The following SYT16 variants were observed in gnomAD, a reference collection of about 807,000 sequenced individuals.
The protein encoded by SYT16 is synaptotagmin 16.
SYT16 carries 42 observed loss-of-function variants against 61.4 expected under a neutral mutation model. The observed-to-expected ratio is 0.68, with a 90% CI of 0.53 to 0.89. The LOEUF (loss-of-function observed/expected upper bound fraction) is 0.89. SYT16 is among the 40% of genes least tolerant of loss of function. The pLI is 0.00. For missense variants in SYT16, 804 were observed against 807.3 expected (o/e 1.00, Z 0.05); for synonymous variants, 314 against 302.3 (o/e 1.04, Z -0.40).
At chr14:61,935,817 G>A (rs192895747) in intron 1 of SYT16, among the ~76,000 whole-genome samples, 1,608 of 152,236 alleles carry the variant, frequency 0.011, 11 homozygotes, top group Non-Finnish European at 0.017. Flanking sequence ...TCTTTTGAAT[G>A]TATTTTAGAA....
At chr14:61,860,685 A>G (rs920016630) in intron 1 of SYT16, among the ~76,000 whole-genome samples, 2 of 152,216 alleles carry the variant, frequency 1.3e-5, no homozygotes, top group Non-Finnish European at 2.9e-5. Flanking sequence ...GGCCAAGAGA[A>G]TGGGAGAAAA....
chr14:61,946,379 G>C (rs1324994465), intron 1 of SYT16, among the ~76,000 whole-genome samples: 1 of 152,132 alleles, frequency 6.6e-6, no homozygotes, highest in Non-Finnish European at 1.5e-5. Context: ...CTCATGGATA[G>C]AGTGGAATAA....
At chr14:61,910,834 C>T (rs112877888) in intron 1 of SYT16, among the ~76,000 whole-genome samples, 4 of 152,298 alleles carry the variant, frequency 2.6e-5, no homozygotes, top group African/African-American at 9.6e-5. Context: ...CGGCCATATG[C>T]TGTCTTTAAA....
In SYT16 at chr14:61,946,674, C is replaced by A. The variant is rs183125569; in HGVS notation, c.-324-23458C>A. On this transcript the variant is annotated intron_variant, in intron 1 of 7. Coordinates refer to ENST00000683842, the MANE Select transcript of SYT16 (RefSeq NM_001367656.1). ...TGCATTGGAAAGTTAGAGAAATGGG[C>A]ACTGAATAATACTCTTTCAGAGGCT... is the stretch of plus-strand genomic sequence containing the variant. Among the ~76,000 whole-genome samples, 295 of 152,210 alleles carry A rather than the reference C, an allele frequency of 1.9e-3. 1 individual carries two copies. The highest frequency in any genetic ancestry group is 6.5e-3 in the African/African-American group (271 of 41,510).
In SYT16 at chr14:62,110,745, A is replaced by G. The variant is rs1303287070; in HGVS notation, c.*10038A>G. On this transcript the variant is annotated 3_prime_UTR_variant, in exon 8 of 8. Transcript: ENST00000683842. ...GCAGGTTCGCCAACCTTTGAGTTGA[A>G]TGCAGACCTTTCTTTAGAACAACCT... 1 of 152,110 alleles carries G rather than the reference A, an allele frequency of 6.6e-6. No homozygotes were observed. Among genetic ancestry groups the G allele is most frequent in the Non-Finnish European group, 1.5e-5 (1 of 67,962 alleles). 9.4% of individuals were successfully genotyped at this position (152,110 alleles called of 1,614,324 possible). A position where few individuals can be genotyped will look rare whatever the true frequency, so the allele number is the denominator to read the frequency against.
At chr14:61,910,761 G>T (rs1456746439) in intron 1 of SYT16, among the ~76,000 whole-genome samples, 8 of 151,752 alleles carry the variant, frequency 5.3e-5, no homozygotes, top group Non-Finnish European at 5.9e-5. Context: ...ACTCCTGACC[G>T]CAAGTGATCC....
chr14:62,045,827 T>A (rs12434559), intron 3 of SYT16, among the ~76,000 whole-genome samples: 1 of 151,692 alleles, frequency 6.6e-6, no homozygotes, highest in African/African-American at 2.4e-5. Context: ...GTATATGTGC[T>A]ACATTTTCTT....
chr14:61,927,620 A>G (rs2049589013), intron 1 of SYT16, among the ~76,000 whole-genome samples: 2 of 152,218 alleles, frequency 1.3e-5, no homozygotes, highest in African/African-American at 4.8e-5. Flanking sequence ...TTAAATTATT[A>G]AGGCAGAAGG....
intron 3 of SYT16, among the ~76,000 whole-genome samples, chr14:62,042,454 G>A (rs932169261): frequency 6.6e-6 from 1 of 152,106 alleles, no homozygotes; most frequent in Non-Finnish European, 1.5e-5. Context: ...TGTTAGGAAG[G>A]GCTAAAGCAA....
intron 2 of SYT16, among the ~76,000 whole-genome samples, chr14:61,978,509 C>G (rs539053915): frequency 1.3e-5 from 2 of 152,220 alleles, no homozygotes; most frequent in Non-Finnish European, 2.9e-5. Context: ...CTTTTAAAAA[C>G]TACAAGTGTG....
At chr14:61,981,706 G>A (rs899913275) in intron 2 of SYT16, among the ~76,000 whole-genome samples, 4 of 152,114 alleles carry the variant, frequency 2.6e-5, no homozygotes, top group African/African-American at 9.7e-5. Context: ...ATGTTACACA[G>A]CCAGCTGATT....
chr14:61,822,737 G>C lies in SYT16; in HGVS notation c.-325+9927G>C, dbSNP rs577997584. Among the ~76,000 whole-genome samples the C allele has an allele frequency of 5.3e-5, 8 of 152,254 alleles. No homozygotes were observed. In the South Asian group the frequency reaches 1.7e-3, roughly 32 times the overall value. ...TTGTGAATTTTATGCAAATGTTACA[G>C]ATTTATAAAAATGAAAACACTCAAA... On this transcript the variant is annotated intron_variant, in intron 1 of 7. Transcript: ENST00000683842.
At chr14:61,986,004 C>T (rs1232184902) in intron 2 of SYT16, among the ~76,000 whole-genome samples, 1 of 152,062 alleles carries the variant, frequency 6.6e-6, no homozygotes, top group Non-Finnish European at 1.5e-5. Context: ...TGACAACTTA[C>T]CAAGTGTAAT....
chr14:62,078,239 A>T (rs550606700), intron 5 of SYT16, among the ~76,000 whole-genome samples: 3 of 151,490 alleles, frequency 2.0e-5, no homozygotes, highest in Admixed American at 2.0e-4. Context: ...AGGTTTGGGG[A>T]AGAAGAAAGG....
chr14:61,869,392 G>T (rs1290452967), intron 1 of SYT16, among the ~76,000 whole-genome samples: 1 of 151,772 alleles, frequency 6.6e-6, no homozygotes, highest in Non-Finnish European at 1.5e-5. Flanking sequence ...TATATTTTAG[G>T]TTTTTTTGGC....
chr14:61,901,760 A>AT (rs1381552099), intron 1 of SYT16, among the ~76,000 whole-genome samples: 79 of 138,556 alleles, frequency 5.7e-4, no homozygotes, highest in African/African-American at 1.6e-3. Context: ...AATAATAATA[A>AT]TAATTATTAT....
At chr14:61,878,715 C>T (rs1263739976) in intron 1 of SYT16, among the ~76,000 whole-genome samples, 1 of 152,104 alleles carries the variant, frequency 6.6e-6, no homozygotes, top group Non-Finnish European at 1.5e-5. Context: ...ACTGCAGAAT[C>T]CAAAATAAAT....
intron 1 of SYT16, among the ~76,000 whole-genome samples, chr14:61,936,711 C>G (rs921721570): frequency 6.6e-6 from 1 of 152,162 alleles, no homozygotes; most frequent in African/African-American, 2.4e-5. Flanking sequence ...CGTTCTATGT[C>G]TGCCTCTATA....
At chr14:61,969,964 A>G (rs76234172) in intron 1 of SYT16, among the ~76,000 whole-genome samples, 168 bp from the exon 2 acceptor site, 8,315 of 152,266 alleles carry the variant, frequency 0.055, 285 homozygotes, top group African/African-American at 0.09. Flanking sequence ...TCCTTTCCCC[A>G]GTACACAGTC....
Sources: allele counts gnomAD v4.1 joint callset (sites outside exome capture counted in the v4.1 genomes callset), GRCh38; gene constraint gnomAD v4.1.1; transcripts MANE v1.5; gene names NCBI Gene and HGNC (gene_info 2026-07-23, HGNC 2026-07-21).